Variants in SLC10A7 observed in about 807,000 individuals in gnomAD.
SLC10A7 encodes the protein solute carrier family 10 member 7, also known as sodium/bile acid cotransporter 7.
SLC10A7 carries 29 observed loss-of-function variants against 43.2 expected under a neutral mutation model. That is an observed-to-expected ratio of 0.67 (90% CI 0.50 to 0.92). SLC10A7 has a LOEUF of 0.92. SLC10A7 is among the 40% of genes least tolerant of loss of function. The pLI is 0.00. For missense variants in SLC10A7, 295 were observed against 403.2 expected, an observed-to-expected ratio of 0.73 and a Z score of 2.30; for synonymous variants, 152 against 144.8, an observed-to-expected ratio of 1.05 and a Z score of -0.35.
chr4:146,361,924 G>A (rs1736072969), intron 5 of SLC10A7, among the ~76,000 whole-genome samples: 1 of 152,018 alleles, frequency 6.6e-6, no homozygotes, highest in Non-Finnish European at 1.5e-5. Flanking sequence ...AAAAATTCTG[G>A]AGCTGAAAAA....
rs115507943 is a variant in SLC10A7, at chr4:146,413,672, G to A, written c.435+29111C>T. Among the ~76,000 whole-genome samples the A allele has an allele frequency of 2.1e-3, 322 of 152,098 alleles. 2 individuals are homozygous for A. The highest frequency in any genetic ancestry group is 3.6e-3 in the African/African-American group (150 of 41,494). On this transcript the variant is annotated intron_variant, in intron 5 of 11. Transcript: ENST00000335472. ...TTTTTATTCAAATGTAAATACTATC[G>A]TTTGCAGACTTTCCATTCAAGCTAA... is the stretch of plus-strand genomic sequence containing the variant.
chr4:146,498,088 A>G (rs1469851240), intron 4 of SLC10A7, among the ~76,000 whole-genome samples: 2 of 152,094 alleles, frequency 1.3e-5, no homozygotes, highest in African/African-American at 4.8e-5. Context: ...TTTGGAAATA[A>G]AATTAGGATT....
intron 5 of SLC10A7, among the ~76,000 whole-genome samples, chr4:146,333,320 C>T (rs1733661499): frequency 6.6e-6 from 1 of 152,112 alleles, no homozygotes; most frequent in Non-Finnish European, 1.5e-5. Flanking sequence ...TTAGTGACTA[C>T]CATGCCAGAC....
At chr4:146,346,589 T>G (rs112371252) in intron 5 of SLC10A7, among the ~76,000 whole-genome samples, 6 of 152,278 alleles carry the variant, frequency 3.9e-5, no homozygotes, top group African/African-American at 1.4e-4. Context: ...TAATTTCAAT[T>G]ATAACTTTTC....
At chr4:146,467,464 C>A (rs1733132422) in intron 4 of SLC10A7, among the ~76,000 whole-genome samples, 1 of 142,604 alleles carries the variant, frequency 7.0e-6, no homozygotes, top group African/African-American at 2.8e-5. Context: ...AACACACACA[C>A]ACACACACAC....
intron 10 of SLC10A7, among the ~76,000 whole-genome samples, chr4:146,264,775 C>G (rs901272200): frequency 6.6e-6 from 1 of 152,192 alleles, no homozygotes; most frequent in African/African-American, 2.4e-5. Flanking sequence ...ATTTGTTCTT[C>G]CACCTCTAGA....
chr4:146,410,204 T>C (rs1157035061), intron 5 of SLC10A7, among the ~76,000 whole-genome samples: 1 of 152,140 alleles, frequency 6.6e-6, no homozygotes, highest in South Asian at 2.1e-4. Flanking sequence ...TTAGTATTAA[T>C]AGTCAGGAAA....
At chr4:146,459,741 T>C (rs774225728) in intron 4 of SLC10A7, among the ~76,000 whole-genome samples, 5 of 151,824 alleles carry the variant, frequency 3.3e-5, no homozygotes, top group African/African-American at 4.8e-5. Flanking sequence ...AAGAACATCT[T>C]TGTGACTCTG....
At chr4:146,384,814 G>A (rs982031745) in intron 5 of SLC10A7, among the ~76,000 whole-genome samples, 4 of 151,954 alleles carry the variant, frequency 2.6e-5, no homozygotes, top group Middle Eastern at 3.2e-3. Flanking sequence ...ACTTAACAAT[G>A]GCTATCCATA....
At chr4:146,328,016 G>A (rs745436723) in intron 5 of SLC10A7, among the ~76,000 whole-genome samples, 2 of 152,128 alleles carry the variant, frequency 1.3e-5, no homozygotes, top group Non-Finnish European at 2.9e-5. Flanking sequence ...CATCATATGG[G>A]GGCCTAGGGA....
rs1162867999 is a variant in SLC10A7 at position 146,350,847 on chromosome 4, A to C, written c.436-24851T>G. Among the ~76,000 whole-genome samples the C allele has an allele frequency of 9.8e-3, 1,320 of 134,206 alleles. 41 individuals carry two copies. The highest frequency in any genetic ancestry group is 0.084 in the East Asian group (389 of 4,606). 88.0% of individuals were successfully genotyped at this position (134,206 alleles called of 152,430 possible). ...CTGTCTGTTAGAAGGAAAACTAACA[A>C]ACAGAAAGGACATCCACACCAAAAA... On this transcript the variant is annotated intron_variant, in intron 5 of 11. Transcript: ENST00000335472.
At chr4:146,432,943 C>T (rs1351213096) in intron 5 of SLC10A7, among the ~76,000 whole-genome samples, 1 of 151,164 alleles carries the variant, frequency 6.6e-6, no homozygotes, top group Non-Finnish European at 1.5e-5. Flanking sequence ...GAGGCTGAGG[C>T]AGGAGAATAG....
intron 4 of SLC10A7, among the ~76,000 whole-genome samples, chr4:146,486,835 T>C (rs565364401): frequency 6.6e-6 from 1 of 152,324 alleles, no homozygotes; most frequent in East Asian, 1.9e-4. Context: ...CTGCCAGTGA[T>C]GCAGGACACA....
At chr4:146,509,458 A>G (rs577220948) in intron 3 of SLC10A7, among the ~76,000 whole-genome samples, 2 of 152,360 alleles carry the variant, frequency 1.3e-5, no homozygotes, top group East Asian at 3.9e-4. Flanking sequence ...TCAGAATTCA[A>G]TCTTCAGGCT....
chr4:146,343,774 G>T (rs1276808900), intron 5 of SLC10A7, among the ~76,000 whole-genome samples: 2 of 151,904 alleles, frequency 1.3e-5, no homozygotes, highest in Admixed American at 6.6e-5. Context: ...AATAAAAAAA[G>T]GATAGAATTT....
intron 4 of SLC10A7, among the ~76,000 whole-genome samples, chr4:146,451,904 G>A (rs1481905829): frequency 6.6e-6 from 1 of 152,046 alleles, no homozygotes; most frequent in East Asian, 1.9e-4. Context: ...AAGCTATCTT[G>A]CATCCATAAG....
chr4:146,369,941 C>T (rs1291672965), intron 5 of SLC10A7, among the ~76,000 whole-genome samples: 1 of 152,046 alleles, frequency 6.6e-6, no homozygotes, highest in Non-Finnish European at 1.5e-5. Flanking sequence ...AAAGAGTTAA[C>T]CTACCAATTT....
intron 3 of SLC10A7, 44 bp from the exon 4 acceptor site, chr4:146,503,968 A>G (rs372298856): frequency 1.3e-6 from 2 of 1,503,828 alleles, no homozygotes; most frequent in Non-Finnish European, 1.8e-6. Flanking sequence ...TTTTATAATC[A>G]TAGACAGCTT....
intron 10 of SLC10A7, among the ~76,000 whole-genome samples, chr4:146,271,265 C>T (rs1728875357): frequency 2.0e-5 from 3 of 152,170 alleles, no homozygotes; most frequent in Admixed American, 2.0e-4. Flanking sequence ...TTGATCTGTT[C>T]CCACATGACT....
Sources: allele counts gnomAD v4.1 joint callset (sites outside exome capture counted in the v4.1 genomes callset), GRCh38; gene constraint gnomAD v4.1.1; transcripts MANE v1.5; gene names NCBI Gene and HGNC (gene_info 2026-07-23, HGNC 2026-07-21).